Variants in RFX1 observed in about 807,000 individuals in gnomAD.
RFX1 encodes the protein MHC class II regulatory factor RFX1.
In RFX1, 42 loss-of-function variants were observed where a neutral mutation model predicts 119.6. The observed-to-expected ratio is 0.35, with a 90% CI of 0.27 to 0.45. The LOEUF (loss-of-function observed/expected upper bound fraction) is 0.45. Among genes scored for constraint, RFX1 ranks in the 20% least tolerant of loss-of-function variants. The pLI is 1.00. For synonymous variants in RFX1, 628 were observed against 618.5 expected (o/e 1.02, Z -0.23); for missense variants, 1,118 against 1,368.1 (o/e 0.82, Z 2.88).
Position 13,970,071 on chromosome 19 carries a change from C to T in RFX1, c.1419G>A (p.Glu473=). The change falls in exon 10 of 21, where the codon GAG becomes GAA. Residue 473 remains glutamate, a synonymous_variant. Coordinates refer to ENST00000254325, the MANE Select transcript of RFX1 (RefSeq NM_002918.5). ...YLLHCQEQKL[E]PVNAASFGKL... is the part of the protein sequence containing the mutation. ...TGCCGAAGGAGGCGGCGTTGACGGG[C>T]TCCAGCTTCTGCTCCTGGCAGTGCA... 6.2e-7 allele frequency: 1 copy of T among 1,614,142 alleles called. No homozygotes were observed.
intron 4 of RFX1, 54 bp from the exon 5 acceptor site, chr19:13,982,282 T>G: frequency 9.6e-7 from 1 of 1,042,576 alleles, no homozygotes; most frequent in Non-Finnish European, 1.3e-6. Flanking sequence ...CCCGTGCAGT[T>G]GCACCGAGCA....
At chr19:13,976,260 G>A (rs555408882) in intron 8 of RFX1, among the ~76,000 whole-genome samples, 5 of 152,230 alleles carry the variant, frequency 3.3e-5, no homozygotes, top group African/African-American at 9.6e-5. Context: ...CGATCCATGA[G>A]CTAACCAATC....
In RFX1 at chr19:13,966,827, T is replaced by C; in HGVS notation, c.1733-76A>G. The C allele has an allele frequency of 1.0e-6, 1 of 996,384 alleles. No homozygotes were observed. 61.7% of individuals were successfully genotyped at this position (996,384 alleles called of 1,614,324 possible). A position where few individuals can be genotyped will look rare whatever the true frequency, so the allele number is the denominator to read the frequency against. The stretch of plus-strand genomic sequence containing the variant: ...CCCTGGGGTCCTACTGACCTGTCCG[T>C]TTCCCATCAGACTGGGGTCCCCCAT... On this transcript the variant is annotated intron_variant, in intron 12 of 20. Transcript: ENST00000254325. This position sits in a 1 kb window ranked among gnomAD's most constrained non-coding sequence, Gnocchi z 6.3.
rs149802272 is a variant in RFX1, at chr19:14,005,025, T to C, written c.-53+1078A>G. ...GACACTCGTTTGACACAAAAACATG[T>C]GTCTGGCCAAGAGAAGCGGGTTTAA... On this transcript the variant is annotated intron_variant, in intron 1 of 20. Coordinates refer to ENST00000254325, the MANE Select transcript of RFX1 (RefSeq NM_002918.5). Among the ~76,000 whole-genome samples, 479 of 152,270 alleles carry C rather than the reference T, an allele frequency of 3.1e-3. 2 individuals carry two copies. Among genetic ancestry groups the C allele is most frequent in the Non-Finnish European group, 4.2e-3 (283 of 68,026 alleles).
In RFX1 at chr19:13,964,016, A is replaced by G. The variant is rs910898151; in HGVS notation, c.2212-9T>C. The G allele has an allele frequency of 2.1e-5, 32 of 1,530,494 alleles. No individual in the cohort carries two copies. The highest frequency in any genetic ancestry group is 2.8e-5 in the Non-Finnish European group (32 of 1,144,526). 94.8% of individuals were successfully genotyped at this position (1,530,494 alleles called of 1,614,324 possible). A position where few individuals can be genotyped will look rare whatever the true frequency, so the allele number is the denominator to read the frequency against. ...GCGCCAGCCGCGGCCACCTGCGTGC[A>G]GGGATTGAGGGGCTTGCTGCTTCCA... On this transcript the variant is annotated splice_polypyrimidine_tract_variant and intron_variant, in intron 16 of 20. Coordinates refer to ENST00000254325, the MANE Select transcript of RFX1 (RefSeq NM_002918.5).
At chr19:13,978,716 C>T (rs1490299090) in intron 7 of RFX1, among the ~76,000 whole-genome samples, 1 of 152,060 alleles carries the variant, frequency 6.6e-6, no homozygotes, top group Non-Finnish European at 1.5e-5. Flanking sequence ...CCCCCGCCCG[C>T]CCGCTGCCCC....
At position 13,968,740 on chromosome 19, in the gene RFX1, C is replaced by T. The variant is rs770829666; in HGVS notation, c.1616+35G>A. ...GGGCCGGCCTGTGTGCCCTTCCCCG[C>T]CTGCCCTGCCCTGGGTCCGGCCCTG... is the stretch of plus-strand genomic sequence containing the variant. On this transcript the variant is annotated intron_variant, in intron 11 of 20. Coordinates refer to ENST00000254325, the MANE Select transcript of RFX1 (RefSeq NM_002918.5). The surrounding 1 kb of genome is among the most constrained non-coding windows in gnomAD (Gnocchi z 5.5). The T allele has an allele frequency of 5.0e-6, 8 of 1,608,764 alleles. No homozygotes were observed. Among genetic ancestry groups the T allele is most frequent in the African/African-American group, 2.7e-5 (2 of 74,880 alleles).
At chr19:13,983,360 T>C in intron 3 of RFX1, 90 bp from the exon 4 acceptor site, 1 of 1,281,606 alleles carries the variant, frequency 7.8e-7, no homozygotes, top group Non-Finnish European at 1.1e-6. Context: ...GTGCACATCT[T>C]GATAAGAACA....
At chr19:14,000,122 G>C (rs1975165932) in intron 1 of RFX1, among the ~76,000 whole-genome samples, 1 of 152,272 alleles carries the variant, frequency 6.6e-6, no homozygotes, top group Middle Eastern at 3.4e-3. Flanking sequence ...AAAATTAAAT[G>C]GGATGATGTG....
chr19:13,981,007 C>T (rs1974414075), intron 5 of RFX1, among the ~76,000 whole-genome samples: 1 of 152,234 alleles, frequency 6.6e-6, no homozygotes, highest in African/African-American at 2.4e-5. Flanking sequence ...ATGACGACAG[C>T]AGCCTCTGGT....
Position 13,994,161 on chromosome 19 carries a change from T to A in RFX1, c.-52-266A>T, listed in dbSNP as rs377405015. Among the ~76,000 whole-genome samples, 166 of 152,132 alleles carry A rather than the reference T, an allele frequency of 1.1e-3. 1 individual carries two copies. The East Asian group carries it at 0.029, about 27-fold the overall frequency. ...CAAGCCAGGACTCCTGCCTTCCCAG[T>A]CCCTGGTACCCAGAGACCCCCACAT... On this transcript the variant is annotated intron_variant, in intron 1 of 20. Transcript: ENST00000254325.
chr19:13,964,262 T>A (rs190502320), intron 16 of RFX1, among the ~76,000 whole-genome samples: 81 of 152,322 alleles, frequency 5.3e-4, no homozygotes, highest in African/African-American at 1.9e-3. Context: ...TTATATTTTT[T>A]AAAATAACTA....
At chr19:14,005,157 C>CA (rs1033593900) in intron 1 of RFX1, among the ~76,000 whole-genome samples, 2 of 152,222 alleles carry the variant, frequency 1.3e-5, no homozygotes, top group Non-Finnish European at 2.9e-5. Context: ...CAAACCCCCG[C>CA]AACCTCAAAC....
At chr19:13,967,841 G>T (rs2145544552) in intron 12 of RFX1, among the ~76,000 whole-genome samples, 1 of 152,330 alleles carries the variant, frequency 6.6e-6, no homozygotes, top group African/African-American at 2.4e-5. Flanking sequence ...TAGCCCTGTG[G>T]ACACCATGGC....
chr19:13,962,871 C>A lies in RFX1; in HGVS notation c.2771-7G>T. 6.5e-7 allele frequency: 1 copy of A among 1,531,820 alleles called. No homozygotes were observed. The highest frequency in any genetic ancestry group is 1.2e-5 in the South Asian group (1 of 82,570). 94.9% of individuals were successfully genotyped at this position (1,531,820 alleles called of 1,614,324 possible). On this transcript the variant is annotated splice_region_variant and splice_polypyrimidine_tract_variant and intron_variant, in intron 20 of 20. Transcript: ENST00000254325. ...TCCTCTTCTTCCTCCTCGTCTGGAA[C>A]ACAGGGACCAAGTCCGGCTCGGGGC... is the stretch of plus-strand genomic sequence containing the variant.
At chr19:13,996,461 G>A (rs1042404139) in intron 1 of RFX1, among the ~76,000 whole-genome samples, 2 of 152,232 alleles carry the variant, frequency 1.3e-5, no homozygotes, top group African/African-American at 4.8e-5. Context: ...CTCAAAGGAA[G>A]GAGGAGGTAA....
intron 7 of RFX1, among the ~76,000 whole-genome samples, chr19:13,978,295 C>A (rs1974314929): frequency 6.6e-6 from 1 of 152,190 alleles, no homozygotes; most frequent in Non-Finnish European, 1.5e-5. Flanking sequence ...CTCTCGGCTT[C>A]GGCTGGGGCC....
At position 13,978,095 on chromosome 19, in the gene RFX1, G is replaced by A; in HGVS notation, c.835-9C>T. On this transcript the variant is annotated splice_polypyrimidine_tract_variant and intron_variant, in intron 7 of 20. Coordinates refer to ENST00000254325, the MANE Select transcript of RFX1 (RefSeq NM_002918.5). ...TGCTGGAGCTGCTGCACCTGGGGCA[G>A]AGGAAGGGCACGTGGAGGGTCAGGG... The A allele has an allele frequency of 6.2e-7, 1 of 1,609,586 alleles. No individual in the cohort carries two copies. The highest frequency in any genetic ancestry group is 8.5e-7 in the Non-Finnish European group (1 of 1,176,926).
intron 2 of RFX1, among the ~76,000 whole-genome samples, chr19:13,991,643 C>T (rs576919331): frequency 4.6e-5 from 7 of 152,128 alleles, no homozygotes; most frequent in Non-Finnish European, 1.0e-4. Flanking sequence ...TGTTCCACAA[C>T]GGGGCCAATT....
Sources: gnomAD v4.1 joint callset for allele counts (sites outside exome capture counted in the v4.1 genomes callset) on GRCh38, gnomAD v4.1.1 for gene constraint, Gnocchi (gnomAD v3.1) non-coding constraint, MANE v1.5 for transcripts, NCBI Gene and HGNC (gene_info 2026-07-23, HGNC 2026-07-21) for gene names.